CHST8: variants seen among roughly 807,000 people sequenced by gnomAD.
CHST8 encodes GALNAC-4-ST1.
CHST8 carries 10 observed loss-of-function variants against 15.0 expected under a neutral mutation model. The observed-to-expected ratio is 0.67, with a 90% confidence interval of 0.41 to 1.13. The LOEUF is 1.13. Among genes scored for constraint, CHST8 ranks in the 50% most tolerant of loss-of-function variants. The probability of loss-of-function intolerance (pLI) is 0.00; values close to 1 mark genes in which losing one functional copy is unlikely to be tolerated. For missense variants in CHST8, 634 were observed against 608.2 expected (o/e 1.04, Z -0.45); for synonymous variants, 259 against 256.6 (o/e 1.01, Z -0.09).
intron 3 of CHST8, among the ~76,000 whole-genome samples, chr19:33,735,504 A>C (rs1599601104): frequency 6.6e-6 from 1 of 151,668 alleles, no homozygotes; most frequent in Non-Finnish European, 1.5e-5. Context: ...ACACACACAC[A>C]CTCTTCACTC....
chr19:33,707,656 C>G (rs1380141185), intron 3 of CHST8, among the ~76,000 whole-genome samples: 15 of 152,178 alleles, frequency 9.9e-5, no homozygotes, highest in African/African-American at 3.4e-4. Flanking sequence ...ATCTGTTCAC[C>G]AGCTGCTGGA....
At position 33,772,886 on chromosome 19, in the gene CHST8, G is replaced by C. The variant is rs778642113; in HGVS notation, c.1098G>C (p.Arg366=). The C allele has an allele frequency of 1.8e-5, 29 of 1,613,366 alleles. No individual in the cohort carries two copies. Among genetic ancestry groups the C allele is most frequent in the Non-Finnish European group, 2.0e-5 (24 of 1,180,052 alleles). Reference sequence around the variant, plus strand: ...TCCTGAGCCTCATCCGCGCGCCGCGGAACCTGACCTTCCCCCGGTTCAAGG... The same window carrying C: ...TCCTGAGCCTCATCCGCGCGCCGCGCAACCTGACCTTCCCCCGGTTCAAGG... ...NFFLSLIRAP[R]NLTFPRFKDR... The change falls in exon 5 of 5, where the codon CGG becomes CGC. Residue 366 remains arginine, a synonymous_variant. Coordinates refer to ENST00000650847, the MANE Select transcript of CHST8 (RefSeq NM_001127895.2).
intron 2 of CHST8, among the ~76,000 whole-genome samples, chr19:33,668,432 G>C (rs138102715): frequency 6.6e-6 from 1 of 152,138 alleles, no homozygotes; most frequent in African/African-American, 2.4e-5. Context: ...AATGGGAAGA[G>C]CTGTCTGGGC....
At chr19:33,749,365 A>G (rs1048993375) in intron 3 of CHST8, among the ~76,000 whole-genome samples, 2 of 151,352 alleles carry the variant, frequency 1.3e-5, no homozygotes, top group African/African-American at 4.9e-5. Context: ...CCTTTCTCCC[A>G]CCAGCCACCC....
At chr19:33,659,820 T>A (rs950363895) in intron 1 of CHST8, among the ~76,000 whole-genome samples, 4 of 151,644 alleles carry the variant, frequency 2.6e-5, no homozygotes, top group South Asian at 2.1e-4. Flanking sequence ...AAAAAAAAAA[T>A]AAAAATAAAG....
intron 1 of CHST8, among the ~76,000 whole-genome samples, chr19:33,627,496 C>A (rs115266920): frequency 2.0e-5 from 3 of 152,096 alleles, no homozygotes; most frequent in Non-Finnish European, 4.4e-5. Flanking sequence ...AGGCCTGGGG[C>A]TGGGGGCAGC....
Position 33,757,470 on chromosome 19 carries a change from GAA to G in CHST8, c.131-13941_131-13940del, listed in dbSNP as rs1568358553. On this transcript the variant is annotated intron_variant, in intron 3 of 4. Transcript: ENST00000650847. ...AGAAAGAAAGAAAGAAAGAAAGAAA[GAA>G]AGAAAGAAAGAAAGAAAGAAAGAAA... 3.1e-4 allele frequency among the ~76,000 whole-genome samples: 13 copies of G among 41,758 alleles called. 1 individual carries two copies. Among genetic ancestry groups the G allele is most frequent in the African/African-American group, 8.1e-4 (8 of 9,860 alleles). The allele number at this position is 41,758 out of a possible 152,430, so 27.4% of individuals were successfully genotyped here.
chr19:33,643,511 A>G (rs1277299728), intron 1 of CHST8, among the ~76,000 whole-genome samples: 1 of 152,238 alleles, frequency 6.6e-6, no homozygotes, highest in African/African-American at 2.4e-5. Context: ...ATATTTCTAA[A>G]TAACACACAT....
intron 3 of CHST8, among the ~76,000 whole-genome samples, chr19:33,725,509 C>A (rs1297508880): frequency 2.6e-5 from 4 of 152,236 alleles, no homozygotes; most frequent in African/African-American, 9.6e-5. Context: ...CCTTTCCCCA[C>A]TGCCCTGCCC....
At chr19:33,637,691 C>T (rs573171592) in intron 1 of CHST8, among the ~76,000 whole-genome samples, 15 of 143,900 alleles carry the variant, frequency 1.0e-4, no homozygotes, top group South Asian at 9.4e-4. Context: ...CGTGAGCCAC[C>T]GTGCCCAGTC....
At chr19:33,625,196 C>T (rs1295039873) in intron 1 of CHST8, among the ~76,000 whole-genome samples, 1 of 152,080 alleles carries the variant, frequency 6.6e-6, no homozygotes, top group Non-Finnish European at 1.5e-5. Flanking sequence ...AGCAATTCTC[C>T]TGCCTCAGCC....
At chr19:33,710,687 G>A (rs780258988) in intron 3 of CHST8, among the ~76,000 whole-genome samples, 2 of 152,102 alleles carry the variant, frequency 1.3e-5, no homozygotes, top group Non-Finnish European at 2.9e-5. Flanking sequence ...ACACTCTTGG[G>A]CATGGAATTT....
At chr19:33,622,819 G>A (rs1206856550) in intron 1 of CHST8, among the ~76,000 whole-genome samples, 1 of 152,096 alleles carries the variant, frequency 6.6e-6, no homozygotes, top group East Asian at 1.9e-4. Context: ...TCCCCGACCC[G>A]CAACTCTCCA....
intron 2 of CHST8, among the ~76,000 whole-genome samples, chr19:33,673,401 C>A (rs920937433): frequency 4.6e-5 from 7 of 152,098 alleles, no homozygotes; most frequent in East Asian, 1.9e-4. Context: ...TTGGCGGGGA[C>A]CTAAGGTGGG....
At chr19:33,637,874 AAAG>A (rs1972225919) in intron 1 of CHST8, among the ~76,000 whole-genome samples, 2 of 150,586 alleles carry the variant, frequency 1.3e-5, no homozygotes, top group African/African-American at 2.4e-5. Flanking sequence ...AAAAAAAAAA[AAAG>A]AAAGGTCCCA....
At chr19:33,739,203 G>C (rs951113484) in intron 3 of CHST8, among the ~76,000 whole-genome samples, 1 of 152,124 alleles carries the variant, frequency 6.6e-6, no homozygotes, top group Non-Finnish European at 1.5e-5. Flanking sequence ...AGCCAGGATG[G>C]AATCCCTTTC....
chr19:33,769,109 C>G (rs964967837), intron 3 of CHST8, among the ~76,000 whole-genome samples: 3 of 152,204 alleles, frequency 2.0e-5, no homozygotes, highest in Admixed American at 6.5e-5. Flanking sequence ...AGACAGTGTC[C>G]CCCTGTCCAG....
rs1568358905 is a variant in CHST8 at position 33,757,536 on chromosome 19, GAA to G, written c.131-13875_131-13874del. Among the ~76,000 whole-genome samples the G allele has an allele frequency of 1.2e-4, 8 of 68,436 alleles. No homozygotes were observed. The South Asian group carries it at 2.0e-3, about 17-fold the overall frequency. The allele number at this position is 68,436 out of a possible 152,430, so 44.9% of individuals were successfully genotyped here. On this transcript the variant is annotated intron_variant, in intron 3 of 4. Transcript: ENST00000650847. ...AAAGAAAGAAAGAGAAAGAAAGAAAGAAAGAAAGAAAGAAAGAAAGAAAGAAA... is the reference window on the plus strand; with the variant it reads ...AAAGAAAGAAAGAGAAAGAAAGAAAGAGAAAGAAAGAAAGAAAGAAAGAAA...
intron 3 of CHST8, among the ~76,000 whole-genome samples, chr19:33,724,035 C>A (rs1973847824): frequency 6.6e-6 from 1 of 152,138 alleles, no homozygotes. Context: ...GTACTTTCCT[C>A]CTGGGGTGAG....
Sources: allele counts gnomAD v4.1 joint callset (sites outside exome capture counted in the v4.1 genomes callset), GRCh38; gene constraint gnomAD v4.1.1; transcripts MANE v1.5; gene names NCBI Gene and HGNC (gene_info 2026-07-23, HGNC 2026-07-21).